The following NRXN3 variants were observed in gnomAD, a reference collection of about 807,000 sequenced individuals.
The protein encoded by NRXN3 is neurexin 3.
In NRXN3, 32 loss-of-function variants were observed where a neutral mutation model predicts 137.6. The observed-to-expected ratio is 0.23, with a 90% confidence interval of 0.18 to 0.31. The LOEUF (loss-of-function observed/expected upper bound fraction) is 0.31, where lower values mean the gene tolerates loss of function less well. Ranked by LOEUF, NRXN3 falls within the 10% of genes least tolerant of loss-of-function variation. The pLI, the probability that NRXN3 is intolerant of heterozygous loss-of-function variation, is 1.00. For synonymous variants in NRXN3, 798 were observed against 784.5 expected (o/e 1.02, Z -0.29); for missense variants, 1,574 against 2,062.5 (o/e 0.76, Z 4.59).
intron 4 of NRXN3, among the ~76,000 whole-genome samples, chr14:78,586,023 G>A (rs1401604331): frequency 6.6e-6 from 1 of 152,202 alleles, no homozygotes. Flanking sequence ...AAATGCTAGG[G>A]AGCCCTATTA....
intron 19 of NRXN3, among the ~76,000 whole-genome samples, chr14:79,791,479 GTAA>G (rs1316613475): frequency 3.5e-5 from 5 of 142,056 alleles, no homozygotes; most frequent in African/African-American, 5.1e-5. Flanking sequence ...ATTATATATT[GTAA>G]TAATTATAAT....
intron 1 of NRXN3, among the ~76,000 whole-genome samples, chr14:78,211,907 G>A (rs1286363121): frequency 6.6e-6 from 1 of 152,216 alleles, no homozygotes; most frequent in East Asian, 1.9e-4. Context: ...GGATGGAACT[G>A]TAGAACTTCC....
intron 15 of NRXN3, among the ~76,000 whole-genome samples, chr14:79,207,632 T>C (rs745916612): frequency 1.3e-5 from 2 of 152,174 alleles, no homozygotes; most frequent in Non-Finnish European, 2.9e-5. Flanking sequence ...ATGTACCCTC[T>C]CTACTTCCCT....
At chr14:79,724,498 A>G (rs973950752) in intron 19 of NRXN3, among the ~76,000 whole-genome samples, 1 of 152,072 alleles carries the variant, frequency 6.6e-6, no homozygotes, top group Non-Finnish European at 1.5e-5. Context: ...GGTTGTCACA[A>G]TTGAAAAGGA....
intron 15 of NRXN3, among the ~76,000 whole-genome samples, chr14:79,133,025 C>A (rs1358607756): frequency 6.6e-6 from 1 of 152,198 alleles, no homozygotes. Flanking sequence ...TGAGGCCAAC[C>A]CTGAAGGCGC....
At position 79,643,023 on chromosome 14, in the gene NRXN3, T is replaced by A. The variant is rs1268388089; in HGVS notation, c.3445-20755T>A. 2.2e-5 allele frequency among the ~76,000 whole-genome samples: 3 copies of A among 135,778 alleles called. 1 individual carries two copies. The highest frequency in any genetic ancestry group is 7.4e-5 in the African/African-American group (3 of 40,790). The allele number at this position is 135,778 out of a possible 152,430, so 89.1% of individuals were successfully genotyped here. On this transcript the variant is annotated intron_variant, in intron 16 of 20. Transcript: ENST00000335750. ...AACAAAATTCTTCTGTTAGCTAATT[T>A]CACTAGCCATCATATGATTTAGCTT... is the stretch of plus-strand genomic sequence containing the variant.
intron 16 of NRXN3, among the ~76,000 whole-genome samples, chr14:79,569,632 A>T (rs199752168): frequency 0.14 from 14,467 of 100,716 alleles, 978 homozygotes; most frequent in African/African-American, 0.33. Context: ...TGTGTGTGTG[A>T]GAGAGAGAGA....
intron 1 of NRXN3, among the ~76,000 whole-genome samples, chr14:78,203,640 G>C (rs186230999): frequency 6.6e-6 from 1 of 152,246 alleles, no homozygotes; most frequent in African/African-American, 2.4e-5. Context: ...AATCTGATAA[G>C]GTTTTCCGTT....
intron 20 of NRXN3, among the ~76,000 whole-genome samples, chr14:79,847,354 T>G (rs1008536313): frequency 2.6e-5 from 4 of 152,340 alleles, no homozygotes; most frequent in Middle Eastern, 6.8e-3. Flanking sequence ...TATTTCACCC[T>G]TGTGAGTTGG....
At chr14:79,491,568 T>C (rs556554181) in intron 16 of NRXN3, among the ~76,000 whole-genome samples, 1 of 151,872 alleles carries the variant, frequency 6.6e-6, no homozygotes, top group Non-Finnish European at 1.5e-5. Context: ...GAGGCACTAA[T>C]GTACCCTGTA....
chr14:79,658,747 C>T (rs1181052615), intron 16 of NRXN3, among the ~76,000 whole-genome samples: 2 of 152,134 alleles, frequency 1.3e-5, no homozygotes, highest in Non-Finnish European at 2.9e-5. Context: ...TACATATTGC[C>T]TTCCTTGTGT....
At chr14:78,317,711 A>G (rs2078874662) in intron 4 of NRXN3, among the ~76,000 whole-genome samples, 1 of 152,202 alleles carries the variant, frequency 6.6e-6, no homozygotes. Context: ...AGACACACTC[A>G]GAACAATGTT....
At chr14:78,934,289 G>A (rs369891964) in intron 10 of NRXN3, among the ~76,000 whole-genome samples, 7 of 152,082 alleles carry the variant, frequency 4.6e-5, no homozygotes, top group Admixed American at 2.6e-4. Context: ...AGGCCATGAG[G>A]TATTTGTAAA....
chr14:79,498,056 CAAAA>C lies in NRXN3; in HGVS notation c.3444+30659_3444+30662del, dbSNP rs376528354. ...CTCAGAAAACAAACAAACAAACAAA[CAAAA>C]AAAACCAGGAAGAACATATTCCAAA... On this transcript the variant is annotated intron_variant, in intron 16 of 20. Coordinates refer to ENST00000335750, the MANE Select transcript of NRXN3 (RefSeq NM_001330195.2). 2.0e-5 allele frequency among the ~76,000 whole-genome samples: 3 copies of C among 151,482 alleles called. No homozygotes were observed. The South Asian group carries it at 6.3e-4, about 32-fold the overall frequency.
intron 4 of NRXN3, among the ~76,000 whole-genome samples, chr14:78,634,146 C>A (rs2097546913): frequency 6.6e-6 from 1 of 152,356 alleles, no homozygotes; most frequent in East Asian, 1.9e-4. Flanking sequence ...TGTGGAACTA[C>A]CCCATCATAA....
Position 79,139,271 on chromosome 14 carries a change from A to G in NRXN3, c.3262+151130A>G, listed in dbSNP as rs1164025944. Among the ~76,000 whole-genome samples, 3 of 152,254 alleles carry G rather than the reference A, an allele frequency of 2.0e-5. No individual in the cohort carries two copies. The East Asian group carries it at 5.8e-4, about 30-fold the overall frequency. On this transcript the variant is annotated intron_variant, in intron 15 of 20. Coordinates refer to ENST00000335750, the MANE Select transcript of NRXN3 (RefSeq NM_001330195.2). ...AAATTAAAGACATAGTGTCATTTGG[A>G]CTTTTTATGATGCAGTACTATCTTG...
intron 16 of NRXN3, among the ~76,000 whole-genome samples, chr14:79,644,378 A>G (rs1306894341): frequency 7.4e-6 from 1 of 135,914 alleles, no homozygotes; most frequent in African/African-American, 2.5e-5. Context: ...TCCTGAGAGA[A>G]GAAGGTTTGG....
intron 19 of NRXN3, among the ~76,000 whole-genome samples, chr14:79,777,476 T>TAA (rs35166061): frequency 1.2e-3 from 169 of 144,332 alleles, no homozygotes; most frequent in Non-Finnish European, 1.9e-3. Context: ...GGAATTTTTC[T>TAA]AAAAAAAAAA....
intron 16 of NRXN3, among the ~76,000 whole-genome samples, chr14:79,476,638 A>G (rs1429546623): frequency 6.6e-6 from 1 of 152,134 alleles, no homozygotes. Context: ...TTCAGAGACC[A>G]TCTTACATTG....
Sources: allele counts gnomAD v4.1 joint callset (sites outside exome capture counted in the v4.1 genomes callset), GRCh38; gene constraint gnomAD v4.1.1; transcripts MANE v1.5; gene names NCBI Gene and HGNC (gene_info 2026-07-23, HGNC 2026-07-21).